Variants in TTL observed in about 807,000 individuals in gnomAD.
TTL encodes the protein tubulin tyrosine ligase.
In TTL, 10 loss-of-function variants were observed where a neutral mutation model predicts 41.1. The ratio of observed to expected loss-of-function variants is 0.24; its 90% CI spans 0.15 to 0.41. The LOEUF is 0.41. Ranked by LOEUF, TTL falls within the 10% of genes least tolerant of loss-of-function variation. The pLI is 1.00. For synonymous variants in TTL, 175 were observed against 175.5 expected (o/e 1.00, Z 0.02); for missense variants, 367 against 460.4 (o/e 0.80, Z 1.86).
At chr2:112,498,327 A>C (rs1043534013) in intron 3 of TTL, among the ~76,000 whole-genome samples, 5 of 152,194 alleles carry the variant, frequency 3.3e-5, no homozygotes, top group African/African-American at 1.2e-4. Flanking sequence ...CCGTCTAAAA[A>C]AAAACCAAAA....
intron 5 of TTL, among the ~76,000 whole-genome samples, chr2:112,513,303 T>A (rs1283807780): frequency 2.0e-5 from 3 of 152,232 alleles, no homozygotes; most frequent in Admixed American, 1.3e-4. Context: ...CTTTTATATT[T>A]ACCCAGATAC....
At position 112,528,337 on chromosome 2, in the gene TTL, C is replaced by T. The variant is rs112280013; in HGVS notation, c.1020-344C>T. On this transcript the variant is annotated intron_variant, in intron 6 of 6. Transcript: ENST00000233336. ...AAAAACTGCCAGGCACGGTGGCTCA[C>T]GCCTGTAATCTCAGCACTTTGGGAG... 8.5e-3 allele frequency among the ~76,000 whole-genome samples: 1,296 copies of T among 152,272 alleles called. 22 individuals are homozygous for T. The highest frequency in any genetic ancestry group is 0.03 in the African/African-American group (1,230 of 41,542).
rs1428419184 is a variant in TTL, at chr2:112,533,733, C to T, written c.*4938C>T. ...AATTTATTCATGAGGGTAGAGCTCTCGTGACCTAACCTCTTACAGGTCCCA... is the reference window on the plus strand; with the variant it reads ...AATTTATTCATGAGGGTAGAGCTCTTGTGACCTAACCTCTTACAGGTCCCA... On this transcript the variant is annotated 3_prime_UTR_variant, in exon 7 of 7. Coordinates refer to ENST00000233336, the MANE Select transcript of TTL (RefSeq NM_153712.5). 3 of 152,246 alleles carry T rather than the reference C, an allele frequency of 2.0e-5. No individual in the cohort carries two copies. The highest frequency in any genetic ancestry group is 2.1e-4 in the South Asian group (1 of 4,814). 9.4% of individuals were successfully genotyped at this position (152,246 alleles called of 1,614,324 possible).
At chr2:112,516,461 G>T (rs970536595) in intron 5 of TTL, among the ~76,000 whole-genome samples, 1 of 152,158 alleles carries the variant, frequency 6.6e-6, no homozygotes, top group South Asian at 2.1e-4. Context: ...GGATCACAAG[G>T]TCAGGAGTTC....
intron 3 of TTL, among the ~76,000 whole-genome samples, chr2:112,494,752 C>G (rs1190488906): frequency 1.3e-5 from 2 of 152,198 alleles, no homozygotes; most frequent in Admixed American, 1.3e-4. Context: ...TCATCCTTGA[C>G]TACTGTATTC....
At chr2:112,519,905 C>T (rs1004540459) in intron 5 of TTL, among the ~76,000 whole-genome samples, 19 of 151,752 alleles carry the variant, frequency 1.3e-4, no homozygotes, top group African/African-American at 3.6e-4. Context: ...CCGAGGTGGG[C>T]GGATCACCTG....
At chr2:112,520,248 C>T (rs772825946) in intron 5 of TTL, 34 bp from the exon 6 acceptor site, 44 of 1,610,686 alleles carry the variant, frequency 2.7e-5, no homozygotes, top group South Asian at 7.7e-5. Context: ...TTGACCACCC[C>T]GTTCTAATGA....
rs565781598 is a variant in TTL at position 112,502,853 on chromosome 2, A to C, written c.606-59A>C. The C allele has an allele frequency of 4.2e-5, 65 of 1,553,244 alleles. 1 individual carries two copies. In the Middle Eastern group the frequency reaches 1.7e-3, roughly 42 times the overall value. On this transcript the variant is annotated intron_variant, in intron 4 of 6. Transcript: ENST00000233336. ...GAAGTCAAGATGTGGGGATTGATGT[A>C]TATAATATGCAGAAACTTTGGATGA...
intron 3 of TTL, among the ~76,000 whole-genome samples, chr2:112,495,791 A>G (rs371406672): frequency 1.3e-5 from 2 of 152,186 alleles, no homozygotes; most frequent in South Asian, 2.1e-4. Context: ...AGCTTGCAGT[A>G]AGCTGAGATC....
chr2:112,520,130 CAAAA>C (rs34238996), intron 5 of TTL, 148 bp from the exon 6 acceptor site: 5,473 of 500,282 alleles, frequency 0.011, 3 homozygotes, highest in South Asian at 0.012. Flanking sequence ...AACTCCGTCT[CAAAA>C]AAAAAAAAAA....
chr2:112,502,862 G>A, intron 4 of TTL, 50 bp from the exon 5 acceptor site: 1 of 1,564,750 alleles, frequency 6.4e-7, no homozygotes, highest in East Asian at 2.3e-5. Flanking sequence ...TATATAATAT[G>A]CAGAAACTTT....
chr2:112,503,399 G>GTATATATA (rs891235981), intron 5 of TTL, among the ~76,000 whole-genome samples: 22 of 125,478 alleles, frequency 1.8e-4, no homozygotes, highest in African/African-American at 5.7e-4. Flanking sequence ...GTGTGTGTGT[G>GTATATATA]TGTGTATATA....
In TTL at chr2:112,535,150, C is replaced by T. The variant is rs1211927692; in HGVS notation, c.*6355C>T. ...GTAGAAATTTTAGAGTTGCAAAGTA[C>T]AAAAATGCAAATGAAAGATTTACTT... On this transcript the variant is annotated 3_prime_UTR_variant, in exon 7 of 7. Coordinates refer to ENST00000233336, the MANE Select transcript of TTL (RefSeq NM_153712.5). The T allele has an allele frequency of 6.6e-6, 1 of 151,318 alleles. No individual in the cohort carries two copies. Among genetic ancestry groups the T allele is most frequent in the Non-Finnish European group, 1.5e-5 (1 of 67,874 alleles). The allele number at this position is 151,318 out of a possible 1,614,324, so 9.4% of individuals were successfully genotyped here.
At chr2:112,509,992 T>C (rs1574064991) in intron 5 of TTL, among the ~76,000 whole-genome samples, 2 of 152,326 alleles carry the variant, frequency 1.3e-5, no homozygotes, top group Admixed American at 1.3e-4. Context: ...ATCAATTTTA[T>C]CAGTCTTTTC....
intron 5 of TTL, among the ~76,000 whole-genome samples, chr2:112,509,367 TG>T (rs1681859414): frequency 1.3e-5 from 2 of 152,058 alleles, no homozygotes; most frequent in African/African-American, 4.8e-5. Context: ...CTGGCTGCTT[TG>T]TTTACCTAAT....
chr2:112,520,145 A>T, intron 5 of TTL, 137 bp from the exon 6 acceptor site: 1 of 1,101,456 alleles, frequency 9.1e-7, no homozygotes, highest in South Asian at 1.7e-5. Context: ...AAAAAAAAAA[A>T]AAAAAGGAAA....
At chr2:112,488,288 G>A (rs1574053443) in intron 2 of TTL, among the ~76,000 whole-genome samples, 1 of 152,298 alleles carries the variant, frequency 6.6e-6, no homozygotes, top group African/African-American at 2.4e-5. Flanking sequence ...ATGGGCCCAT[G>A]AGGAAATGGG....
intron 2 of TTL, among the ~76,000 whole-genome samples, chr2:112,487,997 A>C (rs1047749040): frequency 4.6e-5 from 7 of 152,332 alleles, no homozygotes; most frequent in Admixed American, 3.9e-4. Flanking sequence ...AAACCAGGAC[A>C]GTTTTAATCT....
Position 112,482,292 on chromosome 2 carries a change from C to T in TTL, c.-53C>T. 7.8e-7 allele frequency: 1 copy of T among 1,284,804 alleles called. No homozygotes were observed. The highest frequency in any genetic ancestry group is 1.0e-6 in the Non-Finnish European group (1 of 996,838). The allele number at this position is 1,284,804 out of a possible 1,614,324, so 79.6% of individuals were successfully genotyped here. On this transcript the variant is annotated 5_prime_UTR_variant, in exon 1 of 7. Coordinates refer to ENST00000233336, the MANE Select transcript of TTL (RefSeq NM_153712.5). The surrounding 1 kb of genome is among the most constrained non-coding windows in gnomAD (Gnocchi z 5.3). ...GGTCCGCGCTGAGCCGCCTTCTCGG[C>T]CGCCTGGTCCCTGCGGCGGCTGCCC...
Sources: allele counts gnomAD v4.1 joint callset (sites outside exome capture counted in the v4.1 genomes callset), GRCh38; gene constraint gnomAD v4.1.1; non-coding constraint Gnocchi (gnomAD v3.1); transcripts MANE v1.5; gene names NCBI Gene and HGNC (gene_info 2026-07-23, HGNC 2026-07-21).